RGS11: variants seen among roughly 807,000 people sequenced by gnomAD.
The protein encoded by RGS11 is regulator of G protein signaling 11, also known as regulator of G-protein signaling 11.
RGS11 carries 86 observed loss-of-function variants against 71.1 expected under a neutral mutation model. That is an observed-to-expected ratio of 1.21 (90% CI 1.02 to 1.45). The LOEUF (loss-of-function observed/expected upper bound fraction) is 1.45. Ranked by LOEUF, RGS11 falls within the 40% of genes most tolerant of loss-of-function variation. RGS11 has a pLI of 0.00. For missense variants in RGS11, 734 were observed against 635.1 expected (o/e 1.16, Z -1.67); for synonymous variants, 298 against 254.2 (o/e 1.17, Z -1.64).
At chr16:271,670 A>G in intron 9 of RGS11, 101 bp from the exon 10 acceptor site, 1 of 1,151,686 alleles carries the variant, frequency 8.7e-7, no homozygotes, top group Non-Finnish European at 1.3e-6. Context: ...CCTGCCCCAT[A>G]GATCTGGCAG....
In RGS11 at chr16:271,123, G is replaced by A. The variant is rs931685768; in HGVS notation, c.864-24C>T. On this transcript the variant is annotated intron_variant, in intron 12 of 16. Transcript: ENST00000397770. ...CCCTGGGGAGAGGGCAGGGCTGTTG[G>A]GGAGGGTGGGGACTGACCCTCCTGC... The A allele has an allele frequency of 2.5e-6, 4 of 1,604,008 alleles. No homozygotes were observed. The Admixed American group carries it at 6.7e-5, about 27-fold the overall frequency.
rs2051796063 is a variant in RGS11, at chr16:269,062, A to G, written c.*207T>C. 1 of 1,032,954 alleles carries G rather than the reference A, an allele frequency of 9.7e-7. No individual in the cohort carries two copies. Among genetic ancestry groups the G allele is most frequent in the African/African-American group, 1.6e-5 (1 of 62,902 alleles). 64.0% of individuals were successfully genotyped at this position (1,032,954 alleles called of 1,614,324 possible). A position where few individuals can be genotyped will look rare whatever the true frequency, so the allele number is the denominator to read the frequency against. On this transcript the variant is annotated 3_prime_UTR_variant, in exon 17 of 17. Transcript: ENST00000397770. ...CAATGAACCCCCTCCCTGGGAATCC[A>G]CACCTGGACCCATTCCTTCTGGGCA...
chr16:274,974 A>G lies in RGS11; in HGVS notation c.318+2T>C, dbSNP rs574339971. 3.8e-5 allele frequency: 59 copies of G among 1,541,968 alleles called. No homozygotes were observed. The highest frequency in any genetic ancestry group is 9.8e-5 in the Admixed American group (5 of 50,812). Reference sequence around the variant, plus strand: ...GCTCCCACCTGCACCCCCGAGCCTGACCTGGAACCTGTAGGGCGTCTCGTC... The same window carrying G: ...GCTCCCACCTGCACCCCCGAGCCTGGCCTGGAACCTGTAGGGCGTCTCGTC... On this transcript the variant is annotated splice_donor_variant, in intron 4 of 16. Coordinates refer to ENST00000397770, the MANE Select transcript of RGS11 (RefSeq NM_183337.3). LOFTEE classifies it high-confidence loss of function.
Position 269,492 on chromosome 16 carries a change from C to G in RGS11, c.1289+11G>C. 1.2e-6 allele frequency: 2 copies of G among 1,612,510 alleles called. No individual in the cohort carries two copies. Among genetic ancestry groups the G allele is most frequent in the Non-Finnish European group, 1.7e-6 (2 of 1,179,568 alleles). On this transcript the variant is annotated intron_variant, in intron 16 of 16. Transcript: ENST00000397770. ...CACAGCCGCCGGCCACAGGGCACTG[C>G]CTGGGCTCACCGTCTCTTCATCTCC...
chr16:272,468 G>A (rs902329176), intron 9 of RGS11: 22 of 1,331,864 alleles, frequency 1.7e-5, no homozygotes, highest in Non-Finnish European at 2.2e-5. Flanking sequence ...CCTCTGGTCT[G>A]GTCCCTCTGG....
rs535851149 is a variant in RGS11 at position 268,750 on chromosome 16, C to G, written c.*519G>C. The stretch of plus-strand genomic sequence containing the variant: ...CAGTGACCTCGAGGCAGCCTCAGCA[C>G]GGCACTCTCTTGGGTCCTCTTCCAG... On this transcript the variant is annotated 3_prime_UTR_variant, in exon 17 of 17. Coordinates refer to ENST00000397770, the MANE Select transcript of RGS11 (RefSeq NM_183337.3). The G allele has an allele frequency of 3.9e-6, 6 of 1,545,698 alleles. No homozygotes were observed. Among genetic ancestry groups the G allele is most frequent in the Non-Finnish European group, 4.4e-6 (5 of 1,144,716 alleles).
At chr16:273,934 G>T in intron 6 of RGS11, 98 bp from the exon 7 acceptor site, 1 of 1,468,994 alleles carries the variant, frequency 6.8e-7, no homozygotes, top group Non-Finnish European at 9.5e-7. Context: ...GGGTTTTGGG[G>T]CCTGGGCTGT....
chr16:269,022 T>A lies in RGS11; in HGVS notation c.*247A>T. 1 of 1,330,532 alleles carries A rather than the reference T, an allele frequency of 7.5e-7. No homozygotes were observed. The highest frequency in any genetic ancestry group is 1.1e-6 in the Non-Finnish European group (1 of 946,734). The allele number at this position is 1,330,532 out of a possible 1,614,324, so 82.4% of individuals were successfully genotyped here. On this transcript the variant is annotated 3_prime_UTR_variant, in exon 17 of 17. Transcript: ENST00000397770. ...TCTCTTCAGGTAACAGGCTCTGCCCTGACCCAAGCTGAGCCAATGAACCCC... is the reference window on the plus strand; with the variant it reads ...TCTCTTCAGGTAACAGGCTCTGCCCAGACCCAAGCTGAGCCAATGAACCCC...
intron 9 of RGS11, chr16:271,801 A>C (rs1047092170): frequency 1.7e-6 from 1 of 579,230 alleles, no homozygotes; most frequent in African/African-American, 1.9e-5. Context: ...ACGGAACCTC[A>C]GGTTCTCAAA....
rs1217626432 is a variant in RGS11 at position 269,591 on chromosome 16, A to G, written c.1207-6T>C. On this transcript the variant is annotated splice_polypyrimidine_tract_variant and splice_region_variant and intron_variant, in intron 15 of 16. Transcript: ENST00000397770. Reference sequence around the variant, plus strand: ...AGGAACCTTGGGTAGGAGTCCTACAAGAGACAGCGTCCAGCCCCTGACCCT... The same window carrying G: ...AGGAACCTTGGGTAGGAGTCCTACAGGAGACAGCGTCCAGCCCCTGACCCT... 1.2e-6 allele frequency: 2 copies of G among 1,610,426 alleles called. No homozygotes were observed. Among genetic ancestry groups the G allele is most frequent in the East Asian group, 4.5e-5 (2 of 44,876 alleles).
chr16:269,929 C>A (rs1047227636), intron 15 of RGS11: 7 of 239,424 alleles, frequency 2.9e-5, no homozygotes, highest in African/African-American at 1.6e-4. Flanking sequence ...AATAAAAAAA[C>A]AAGGTAGGCC....
chr16:269,006 G>A lies in RGS11; in HGVS notation c.*263C>T. ...TGGCCTTGGTCTCACCTCTCTTCAG[G>A]TAACAGGCTCTGCCCTGACCCAAGC... On this transcript the variant is annotated 3_prime_UTR_variant, in exon 17 of 17. Transcript: ENST00000397770. The A allele has an allele frequency of 6.9e-7, 1 of 1,441,994 alleles. No homozygotes were observed. Among genetic ancestry groups the A allele is most frequent in the South Asian group, 1.2e-5 (1 of 81,748 alleles). 89.3% of individuals were successfully genotyped at this position (1,441,994 alleles called of 1,614,324 possible).
chr16:274,911 G>T (rs1219750911), intron 4 of RGS11, 65 bp downstream of exon 4: 20 of 1,310,562 alleles, frequency 1.5e-5, no homozygotes, highest in Non-Finnish European at 1.9e-5. Flanking sequence ...GTCTCCCCGA[G>T]TTGGTAAGCT....
chr16:275,721 C>A, intron 1 of RGS11, 128 bp downstream of exon 1: 1 of 414,470 alleles, frequency 2.4e-6, no homozygotes, highest in Non-Finnish European at 3.9e-6. Flanking sequence ...CCGCCCCTCC[C>A]GGCCTCGCAG....
In RGS11 at chr16:271,273, G is replaced by A. The variant is rs1252073528; in HGVS notation, c.792C>T (p.Leu264=). Residue 264 remains leucine (L), a synonymous_variant, in exon 12 of 17, where the codon CTC becomes CTT. Transcript: ENST00000397770. ...FCGQRGPHDP[L]VSGCLPSNPW... ...GATTGCTGGGCAGGCACCCCGACAC[G>A]AGGGGATCGTGGGGTCCACGCTGGC... 1.1e-5 allele frequency: 17 copies of A among 1,612,846 alleles called. No individual in the cohort carries two copies. Among genetic ancestry groups the A allele is most frequent in the East Asian group, 6.7e-5 (3 of 44,884 alleles).
Sources: gnomAD v4.1 joint callset for allele counts on GRCh38, gnomAD v4.1.1 for gene constraint, MANE v1.5 for transcripts, NCBI Gene and HGNC (gene_info 2026-07-23, HGNC 2026-07-21) for gene names.